Variants in DOCK3 observed in about 807,000 individuals in gnomAD.
DOCK3 encodes the protein dedicator of cytokinesis 3.
In DOCK3, 60 loss-of-function variants were observed where a neutral mutation model predicts 265.6. The ratio of observed to expected loss-of-function variants is 0.23; its 90% CI spans 0.18 to 0.28. The LOEUF (loss-of-function observed/expected upper bound fraction) is 0.28, where lower values mean the gene tolerates loss of function less well. Among genes scored for constraint, DOCK3 ranks in the 10% least tolerant of loss-of-function variants. DOCK3 has a pLI of 1.00. For synonymous variants in DOCK3, 881 were observed against 938.0 expected, an observed-to-expected ratio of 0.94 and a Z score of 1.11; for missense variants, 1,981 against 2,594.3, an observed-to-expected ratio of 0.76 and a Z score of 5.14.
chr3:51,381,823 T>G lies in DOCK3; in HGVS notation c.*264T>G. The G allele has an allele frequency of 2.5e-6, 1 of 398,650 alleles. No individual in the cohort carries two copies. 24.7% of individuals were successfully genotyped at this position (398,650 alleles called of 1,614,324 possible). A position where few individuals can be genotyped will look rare whatever the true frequency, so the allele number is the denominator to read the frequency against. ...GTTTTCCTTTCTTTCCTTTATGCAGTAGATGCTTTCTTCCTCCTGCAGTTC... is the reference window on the plus strand; with the variant it reads ...GTTTTCCTTTCTTTCCTTTATGCAGGAGATGCTTTCTTCCTCCTGCAGTTC... On this transcript the variant is annotated 3_prime_UTR_variant, in exon 53 of 53. Transcript: ENST00000266037. This position sits in a 1 kb window ranked among gnomAD's most constrained non-coding sequence, Gnocchi z 5.6.
At chr3:51,171,533 G>C (rs887946517) in intron 12 of DOCK3, among the ~76,000 whole-genome samples, 24 of 151,962 alleles carry the variant, frequency 1.6e-4, no homozygotes, top group Non-Finnish European at 1.9e-4. Flanking sequence ...TGGCTAACAC[G>C]GTGAAATCCC....
intron 3 of DOCK3, among the ~76,000 whole-genome samples, chr3:50,869,789 C>T (rs888833322): frequency 2.0e-5 from 3 of 152,056 alleles, no homozygotes; most frequent in African/African-American, 7.2e-5. Context: ...GATGTAGGTA[C>T]TTATACCTGT....
At chr3:51,222,035 G>T (rs1026368080) in intron 14 of DOCK3, among the ~76,000 whole-genome samples, 1 of 152,266 alleles carries the variant, frequency 6.6e-6, no homozygotes, top group South Asian at 2.1e-4. Flanking sequence ...AAAAATATAT[G>T]TACACAAGAC....
chr3:50,678,070 AT>A (rs755279456), intron 1 of DOCK3, among the ~76,000 whole-genome samples: 209 of 143,208 alleles, frequency 1.5e-3, no homozygotes, highest in Admixed American at 1.6e-3. Context: ...AAGGTTGTTA[AT>A]TTTTTTTTTT....
intron 49 of DOCK3, among the ~76,000 whole-genome samples, chr3:51,369,226 C>T (rs1366924631): frequency 2.6e-5 from 4 of 152,176 alleles, no homozygotes; most frequent in African/African-American, 9.7e-5. Context: ...TTCAGATGAT[C>T]GGTAATGACA....
chr3:51,256,471 A>G (rs901174399), intron 22 of DOCK3, among the ~76,000 whole-genome samples: 1 of 151,732 alleles, frequency 6.6e-6, no homozygotes, highest in African/African-American at 2.4e-5. Context: ...GGGTTTCACC[A>G]TATTGGCCAG....
intron 14 of DOCK3, among the ~76,000 whole-genome samples, chr3:51,220,891 A>C (rs565281725): frequency 9.0e-4 from 136 of 151,944 alleles, no homozygotes; most frequent in African/African-American, 3.2e-3. Context: ...ATGGGCTAGC[A>C]CTAATGAAAC....
intron 22 of DOCK3, among the ~76,000 whole-genome samples, chr3:51,249,492 G>A (rs1375473692): frequency 9.9e-6 from 1 of 100,702 alleles, no homozygotes; most frequent in African/African-American, 3.9e-5. Flanking sequence ...GCCCCATCCG[G>A]GAGGGAGGTG....
chr3:50,893,349 G>GA, intron 4 of DOCK3: 1 of 174,836 alleles, frequency 5.7e-6, no homozygotes, highest in Non-Finnish European at 1.3e-5. Flanking sequence ...AGTTACAAGA[G>GA]AATACAGGCA....
At chr3:50,916,766 G>T (rs567891546) in intron 4 of DOCK3, among the ~76,000 whole-genome samples, 309 of 149,780 alleles carry the variant, frequency 2.1e-3, no homozygotes, top group African/African-American at 7.4e-3. Flanking sequence ...CCGAGATTGC[G>T]CCACTACATT....
chr3:50,937,956 CTA>C (rs1280900810), intron 5 of DOCK3, among the ~76,000 whole-genome samples: 1 of 151,636 alleles, frequency 6.6e-6, no homozygotes, highest in East Asian at 1.9e-4. Flanking sequence ...TAAAAAAAAA[CTA>C]TATGTTGTTT....
intron 2 of DOCK3, among the ~76,000 whole-genome samples, chr3:50,832,576 T>C (rs562409228): frequency 3.8e-4 from 58 of 152,372 alleles, no homozygotes; most frequent in African/African-American, 1.4e-3. Flanking sequence ...GCTGACTTCT[T>C]GTCTCATCCT....
intron 32 of DOCK3, among the ~76,000 whole-genome samples, chr3:51,316,590 A>C (rs2083378662): frequency 6.6e-6 from 1 of 152,256 alleles, no homozygotes; most frequent in Non-Finnish European, 1.5e-5. Context: ...GCAGCAGTAT[A>C]TAATCGATTG....
intron 2 of DOCK3, among the ~76,000 whole-genome samples, chr3:50,820,655 G>A (rs755154835): frequency 1.3e-5 from 2 of 152,028 alleles, no homozygotes; most frequent in Non-Finnish European, 2.9e-5. Context: ...GTGTCTTTTT[G>A]GTAGAATGAT....
chr3:51,057,297 T>C (rs866540203), intron 5 of DOCK3, among the ~76,000 whole-genome samples: 2 of 152,248 alleles, frequency 1.3e-5, no homozygotes, highest in South Asian at 4.1e-4. Flanking sequence ...TGGTTTCTGC[T>C]GACTCTTCAG....
intron 17 of DOCK3, 121 bp from the exon 18 acceptor site, chr3:51,228,540 C>A: frequency 6.3e-6 from 7 of 1,109,652 alleles, no homozygotes; most frequent in Non-Finnish European, 8.9e-6. Flanking sequence ...CCAAGAGGAC[C>A]TGAGGCCCAA....
intron 5 of DOCK3, among the ~76,000 whole-genome samples, chr3:51,020,552 T>G (rs1369033808): frequency 6.6e-6 from 1 of 151,944 alleles, no homozygotes; most frequent in Admixed American, 6.6e-5. Flanking sequence ...CCTTTTGCTG[T>G]ATCCTGGATG....
chr3:50,804,530 A>G (rs1325060615), intron 2 of DOCK3, among the ~76,000 whole-genome samples: 3 of 152,182 alleles, frequency 2.0e-5, no homozygotes, highest in East Asian at 3.9e-4. Context: ...CACGTTTAGG[A>G]GCTGGAGACC....
chr3:51,216,557 C>G (rs2089800822), intron 14 of DOCK3, among the ~76,000 whole-genome samples: 1 of 152,180 alleles, frequency 6.6e-6, no homozygotes, highest in Admixed American at 6.5e-5. Context: ...GCAGAGCAGT[C>G]CTTTTGCATA....
Sources: gnomAD v4.1 joint callset for allele counts (sites outside exome capture counted in the v4.1 genomes callset) on GRCh38, gnomAD v4.1.1 for gene constraint, Gnocchi (gnomAD v3.1) non-coding constraint, MANE v1.5 for transcripts, NCBI Gene and HGNC (gene_info 2026-07-23, HGNC 2026-07-21) for gene names.